Variants in NSD1 observed in about 807,000 individuals in gnomAD.
NSD1 encodes the protein nuclear receptor binding SET domain protein 1.
A neutral mutation model predicts 242.7 loss-of-function variants in NSD1; 26 were observed. The observed-to-expected ratio is 0.11, with a 90% CI of 0.08 to 0.15. The LOEUF (loss-of-function observed/expected upper bound fraction) is 0.15. NSD1 is among the 10% of genes least tolerant of loss of function. The pLI is 1.00. For missense variants in NSD1, 2,495 were observed against 3,272.8 expected (o/e 0.76, Z 5.80); for synonymous variants, 1,106 against 1,178.1 (o/e 0.94, Z 1.25).
intron 2 of NSD1, among the ~76,000 whole-genome samples, chr5:177,183,827 C>G (rs1452774083): frequency 6.6e-6 from 1 of 152,044 alleles, no homozygotes; most frequent in African/African-American, 2.4e-5. Context: ...TTTCTGTTGT[C>G]TATCAGCATG....
intron 3 of NSD1, among the ~76,000 whole-genome samples, chr5:177,201,893 G>A (rs1762533807): frequency 6.6e-6 from 1 of 151,610 alleles, no homozygotes; most frequent in Non-Finnish European, 1.5e-5. Flanking sequence ...TCAGCCTGGC[G>A]CGGTGGCTCA....
intron 14 of NSD1, chr5:177,264,784 AAG>A (rs1757283163): frequency 2.7e-6 from 2 of 743,918 alleles, no homozygotes; most frequent in Non-Finnish European, 4.9e-6. Context: ...CACAAAGGGA[AAG>A]AGGAGAGGCA....
chr5:177,251,122 A>T (rs907501595), intron 11 of NSD1, among the ~76,000 whole-genome samples: 2 of 151,978 alleles, frequency 1.3e-5, no homozygotes, highest in South Asian at 4.2e-4. Flanking sequence ...CCCGGGTGGC[A>T]GAGGTGGCAG....
intron 14 of NSD1, among the ~76,000 whole-genome samples, chr5:177,260,784 A>G (rs1171665567): frequency 6.6e-6 from 1 of 151,854 alleles, no homozygotes; most frequent in Non-Finnish European, 1.5e-5. Flanking sequence ...TAATCTCACC[A>G]TCAGAAAAAA....
Position 177,211,989 on chromosome 5 carries a change from A to G in NSD1, c.3590A>G (p.Gln1197Arg), listed in dbSNP as rs767884532. The change falls in exon 5 of 23, where the codon CAG (glutamine) becomes CGG (arginine). Residue 1197 changes from glutamine to arginine, a missense_variant. Around this residue, in one of 19 missense-constraint regions of NSD1, gnomAD observed 426 missense variants for 411.4 expected, o/e 1.04. Coordinates refer to ENST00000439151, the MANE Select transcript of NSD1 (RefSeq NM_022455.5). The part of the protein sequence containing the change: ...FRVLLPSDPV[Q>R]EGRDEFPEHR... Reference sequence around the variant, plus strand: ...GTCTTACTTCCTAGTGACCCTGTGCAGGAGGGGCGGGATGAGTTTCCAGAG... The same window carrying G: ...GTCTTACTTCCTAGTGACCCTGTGCGGGAGGGGCGGGATGAGTTTCCAGAG... The G allele has an allele frequency of 6.2e-7, 1 of 1,613,596 alleles. No individual in the cohort carries two copies. Among genetic ancestry groups the G allele is most frequent in the South Asian group, 1.1e-5 (1 of 91,072 alleles).
chr5:177,216,393 C>CA (rs1763774702), intron 5 of NSD1, among the ~76,000 whole-genome samples: 1 of 151,940 alleles, frequency 6.6e-6, no homozygotes, highest in Non-Finnish European at 1.5e-5. Context: ...GGTCTCATAG[C>CA]CAGGAAATTC....
intron 3 of NSD1, among the ~76,000 whole-genome samples, chr5:177,194,694 CTTTTTTTTTT>C (rs771213970): frequency 4.1e-5 from 2 of 49,028 alleles, no homozygotes; most frequent in South Asian, 7.4e-4. Flanking sequence ...ATTTTAGTGT[CTTTTTTTTTT>C]TTTTTTTTTT....
At chr5:177,162,691 T>A (rs1207168153) in intron 2 of NSD1, among the ~76,000 whole-genome samples, 1 of 152,016 alleles carries the variant, frequency 6.6e-6, no homozygotes, top group African/African-American at 2.4e-5. Flanking sequence ...CCATTATAGC[T>A]TTTTTGAGGC....
chr5:177,204,274 A>T lies in NSD1; in HGVS notation c.1218A>T (p.Glu406Asp). The change falls in exon 4 of 23, where the codon GAA becomes GAT. Residue 406 changes from glutamate (E) to aspartate (D), a missense_variant. Physicochemically the swap from Glu to Asp is conservative, Grantham distance 45 (BLOSUM62 2). Around this residue, in one of 19 missense-constraint regions of NSD1, gnomAD observed 65 missense variants for 136.2 expected, o/e 0.48. Coordinates refer to ENST00000439151, the MANE Select transcript of NSD1 (RefSeq NM_022455.5). ...PVLRRRGKQK[E>D]KGYRHKVPQK... ...TTAGGAGAAGAGGGAAACAGAAAGA[A>T]AAAGGATATAGGCATAAGGTAGGAA... The T allele has an allele frequency of 6.2e-7, 1 of 1,614,016 alleles. No homozygotes were observed. Among genetic ancestry groups the T allele is most frequent in the African/African-American group, 1.3e-5 (1 of 75,048 alleles).
chr5:177,294,987 C>G lies in NSD1; in HGVS notation c.7619C>G (p.Ser2540Cys), dbSNP rs1230044949. 2.5e-6 allele frequency: 4 copies of G among 1,614,162 alleles called. No individual in the cohort carries two copies. The highest frequency in any genetic ancestry group is 3.4e-6 in the Non-Finnish European group (4 of 1,180,056). Residue 2540 changes from serine to cysteine, a missense_variant, in exon 23 of 23, where the codon TCT becomes TGT. Ser to Cys is a moderately radical substitution (Grantham distance 112). Coordinates refer to ENST00000439151, the MANE Select transcript of NSD1 (RefSeq NM_022455.5). The part of the protein sequence containing the change: ...VKSLTQARLL[S>C]QPPAKAFLYE... ...TCACTCACCCAGGCCAGACTTCTTT[C>G]TCAGCCTCCTGCCAAGGCCTTTTTA...
At chr5:177,274,140 T>G (rs1330194225) in intron 17 of NSD1, among the ~76,000 whole-genome samples, 1 of 151,594 alleles carries the variant, frequency 6.6e-6, no homozygotes, top group Non-Finnish European at 1.5e-5. Flanking sequence ...GGCGACAGAG[T>G]AAGACTCCGT....
At chr5:177,205,025 T>G (rs1762776030) in intron 4 of NSD1, among the ~76,000 whole-genome samples, 1 of 152,064 alleles carries the variant, frequency 6.6e-6, no homozygotes, top group African/African-American at 2.4e-5. Context: ...AATAATGTGG[T>G]TTTTTTGTTT....
At position 177,238,640 on chromosome 5, in the gene NSD1, T is replaced by A; in HGVS notation, c.4192+133T>A. On this transcript the variant is annotated intron_variant, in intron 7 of 22. Transcript: ENST00000439151. This position sits in a 1 kb window ranked among gnomAD's most constrained non-coding sequence, Gnocchi z 4.6. ...TACCCCCTTTTGTCCTGGGAAATAC[T>A]TAAAATGATGGTTAATTAGATATAG... 2.0e-6 allele frequency: 2 copies of A among 996,666 alleles called. No individual in the cohort carries two copies. Among genetic ancestry groups the A allele is most frequent in the Non-Finnish European group, 3.1e-6 (2 of 647,960 alleles). 61.7% of individuals were successfully genotyped at this position (996,666 alleles called of 1,614,324 possible). A position where few individuals can be genotyped will look rare whatever the true frequency, so the allele number is the denominator to read the frequency against.
chr5:177,200,914 G>A (rs1410084215), intron 3 of NSD1, among the ~76,000 whole-genome samples: 6 of 149,958 alleles, frequency 4.0e-5, no homozygotes, highest in Non-Finnish European at 7.4e-5. Flanking sequence ...TTTTTTTTTG[G>A]ATGGAGTTTC....
rs2127256735 is a variant in NSD1, at chr5:177,280,496, C to T, written c.5623-69C>T. 8 of 1,598,142 alleles carry T rather than the reference C, an allele frequency of 5.0e-6. No individual in the cohort carries two copies. The Admixed American group carries it at 6.7e-5, about 13-fold the overall frequency. Reference sequence around the variant, plus strand: ...TGCAACTTCAAGGAAAAAAAGTTTGCCTTTTTCAGGACGTGAATTGTCTTC... The same window carrying T: ...TGCAACTTCAAGGAAAAAAAGTTTGTCTTTTTCAGGACGTGAATTGTCTTC... On this transcript the variant is annotated intron_variant, in intron 17 of 22. Coordinates refer to ENST00000439151, the MANE Select transcript of NSD1 (RefSeq NM_022455.5).
chr5:177,203,408 T>C (rs1376639908), intron 3 of NSD1, among the ~76,000 whole-genome samples: 1 of 152,206 alleles, frequency 6.6e-6, no homozygotes, highest in East Asian at 1.9e-4. Context: ...TTATTTTTGG[T>C]TTTATTACTG....
At position 177,210,512 on chromosome 5, in the gene NSD1, A is replaced by G; in HGVS notation, c.2113A>G (p.Ser705Gly). The G allele has an allele frequency of 1.2e-6, 2 of 1,614,254 alleles. No homozygotes were observed. Among genetic ancestry groups the G allele is most frequent in the Non-Finnish European group, 1.7e-6 (2 of 1,180,044 alleles). Residue 705 changes from serine to glycine, a missense_variant, in exon 5 of 23, where the codon AGT becomes GGT. Ser to Gly is a moderately conservative substitution (Grantham distance 56). This residue lies in a region of NSD1 where 515 missense variants were observed against 467.0 expected (regional missense o/e 1.10). Coordinates refer to ENST00000439151, the MANE Select transcript of NSD1 (RefSeq NM_022455.5). The part of the protein sequence containing the change: ...RVKAKQKPLI[S>G]NSHTDHLMGC... The stretch of plus-strand genomic sequence containing the variant: ...AAAAGCAAAACAGAAGCCTCTCATT[A>G]GTAACTCACATACAGACCACTTAAT...
chr5:177,267,800 T>C (rs1184597654), intron 15 of NSD1, 82 bp downstream of exon 15: 2 of 1,376,548 alleles, frequency 1.5e-6, no homozygotes, highest in Non-Finnish European at 2.1e-6. Flanking sequence ...AACGTATTTC[T>C]AATGATCTAC....
intron 2 of NSD1, among the ~76,000 whole-genome samples, chr5:177,138,074 T>G (rs1474831668): frequency 1.4e-5 from 2 of 144,622 alleles, no homozygotes; most frequent in Non-Finnish European, 3.0e-5. Flanking sequence ...AAACTCTGTC[T>G]CAAAAAAAAA....
Sources: allele counts gnomAD v4.1 joint callset (sites outside exome capture counted in the v4.1 genomes callset), GRCh38; gene constraint gnomAD v4.1.1; regional missense constraint gnomAD v4.1.1; non-coding constraint Gnocchi (gnomAD v3.1); transcripts MANE v1.5; gene names NCBI Gene and HGNC (gene_info 2026-07-23, HGNC 2026-07-21).